DYNC2I1: variants seen among roughly 807,000 people sequenced by gnomAD.
The protein encoded by DYNC2I1 is dynein 2 intermediate chain 1.
A neutral mutation model predicts 133.4 loss-of-function variants in DYNC2I1; 89 were observed. That is an observed-to-expected ratio of 0.67 (90% CI 0.56 to 0.80). The LOEUF is 0.80. Among genes scored for constraint, DYNC2I1 ranks in the 30% least tolerant of loss-of-function variants. The probability of loss-of-function intolerance (pLI) is 0.00; values close to 1 mark genes in which losing one functional copy is unlikely to be tolerated. For missense variants in DYNC2I1, 1,291 were observed against 1,314.5 expected, an observed-to-expected ratio of 0.98 and a Z score of 0.28; for synonymous variants, 504 against 484.3, an observed-to-expected ratio of 1.04 and a Z score of -0.54.
chr7:158,926,049 G>T, intron 17 of DYNC2I1, 138 bp from the exon 18 acceptor site: 1 of 671,602 alleles, frequency 1.5e-6, no homozygotes, highest in Non-Finnish European at 2.6e-6. Context: ...TGTTGGTTTT[G>T]GGGTGTTTTG....
At chr7:158,946,256 T>C (rs916562090), downstream of DYNC2I1, 1 of 152,726 alleles carries the variant, frequency 6.5e-6, no homozygotes, top group Non-Finnish European at 1.5e-5. Context: ...TGGAATGTTA[T>C]ATTTGCAGAG....
chr7:158,886,638 C>T (rs1563113423), intron 6 of DYNC2I1, among the ~76,000 whole-genome samples: 1 of 152,192 alleles, frequency 6.6e-6, no homozygotes, highest in South Asian at 2.1e-4. Context: ...GGGTCTTTCT[C>T]TGTCGCCCAG....
intron 15 of DYNC2I1, 93 bp downstream of exon 15, chr7:158,918,962 G>T: frequency 7.4e-7 from 1 of 1,354,494 alleles, no homozygotes; most frequent in Non-Finnish European, 9.8e-7. Flanking sequence ...ATTTTAATGT[G>T]ATGGGGTTTA....
intron 4 of DYNC2I1, among the ~76,000 whole-genome samples, chr7:158,953,810 C>A (rs557134649): frequency 1.3e-5 from 2 of 151,804 alleles, no homozygotes; most frequent in African/African-American, 4.8e-5. Context: ...TATATGCCTA[C>A]AAATTAGCTT....
At chr7:158,877,110 C>T (rs902010606) in intron 4 of DYNC2I1, among the ~76,000 whole-genome samples, 2 of 152,202 alleles carry the variant, frequency 1.3e-5, no homozygotes, top group Non-Finnish European at 2.9e-5. Flanking sequence ...TGTCTCTCCC[C>T]GTGTTTCAGT....
intron 14 of DYNC2I1, among the ~76,000 whole-genome samples, chr7:158,914,781 T>C (rs1385119460): frequency 6.6e-6 from 1 of 152,192 alleles, no homozygotes; most frequent in Non-Finnish European, 1.5e-5. Context: ...TGGCTGTGGG[T>C]CTCGTCTGAC....
chr7:158,899,983 C>T (rs889390716), intron 8 of DYNC2I1, among the ~76,000 whole-genome samples: 2 of 152,140 alleles, frequency 1.3e-5, no homozygotes, highest in Admixed American at 6.5e-5. Flanking sequence ...TTTATTTCTC[C>T]TTCACTTTGG....
At chr7:158,883,106 G>A (rs1260442362) in intron 5 of DYNC2I1, among the ~76,000 whole-genome samples, 1 of 151,958 alleles carries the variant, frequency 6.6e-6, no homozygotes, top group East Asian at 1.9e-4. Context: ...AAAGTGCAAG[G>A]TGCACTGCTA....
At chr7:158,871,936 A>G (rs925128760) in intron 3 of DYNC2I1, among the ~76,000 whole-genome samples, 1 of 152,096 alleles carries the variant, frequency 6.6e-6, no homozygotes, top group Non-Finnish European at 1.5e-5. Context: ...CAAATGTTTT[A>G]TCTTTGAAGT....
the DYNC2I1 span, among the ~76,000 whole-genome samples, chr7:158,845,083 C>A: frequency 6.6e-6 from 1 of 152,086 alleles, no homozygotes; most frequent in South Asian, 2.1e-4. Context: ...ATTTTCTTTT[C>A]TGCTTGCTTT....
intron 1 of DYNC2I1, among the ~76,000 whole-genome samples, chr7:158,864,516 A>AT (rs1842229201): frequency 1.3e-5 from 2 of 152,062 alleles, no homozygotes; most frequent in African/African-American, 4.8e-5. Context: ...TCCTCTGTTT[A>AT]TTTTTTAATA....
intron 1 of DYNC2I1, among the ~76,000 whole-genome samples, chr7:158,866,252 A>G (rs1013959179): frequency 6.7e-6 from 1 of 149,666 alleles, no homozygotes; most frequent in African/African-American, 2.5e-5. Context: ...CTGTCCCCTA[A>G]TGTTCTAGGT....
chr7:158,856,830 GCCCT>G (rs905733262), intron 1 of DYNC2I1, 80 bp downstream of exon 1: 1 of 1,212,588 alleles, frequency 8.2e-7, no homozygotes, highest in African/African-American at 1.6e-5. Context: ...CGCCGCCGCC[GCCCT>G]CCCTTTGCGC....
chr7:158,876,624 G>A lies in DYNC2I1; in HGVS notation c.506G>A (p.Ser169Asn), dbSNP rs771646117. Residue 169 changes from serine (S) to asparagine (N), a missense_variant, in exon 4 of 25, where the codon AGT (serine) becomes AAT (asparagine). Ser to Asn is a conservative substitution (Grantham distance 46, BLOSUM62 1). Coordinates refer to ENST00000407559, the MANE Select transcript of DYNC2I1 (RefSeq NM_018051.5). ...RKGRSVSKVR[S>N]EEKDEDSERG... is the part of the protein sequence containing the mutation. ...CTTCTTGTAGTAAGTAAAGTAAGAA[G>A]TGAAGAGAAAGATGAAGACTCTGAA... The A allele has an allele frequency of 1.3e-6, 2 of 1,577,130 alleles. No homozygotes were observed. The highest frequency in any genetic ancestry group is 2.1e-5 in the Admixed American group (1 of 48,674).
chr7:158,849,952 C>T, the DYNC2I1 span, among the ~76,000 whole-genome samples: 22 of 152,234 alleles, frequency 1.4e-4, no homozygotes, highest in Non-Finnish European at 2.4e-4. Flanking sequence ...CCCTCCCTGG[C>T]CTAGAGGTGG....
At chr7:158,854,967 G>A (rs1841140577), upstream of DYNC2I1, among the ~76,000 whole-genome samples, 2 of 152,214 alleles carry the variant, frequency 1.3e-5, no homozygotes, top group African/African-American at 4.8e-5. Context: ...GCCTTCACGG[G>A]GGCCTGGCTG....
At chr7:158,883,618 T>G (rs1354705355) in intron 5 of DYNC2I1, among the ~76,000 whole-genome samples, 1 of 150,094 alleles carries the variant, frequency 6.7e-6, no homozygotes, top group Non-Finnish European at 1.5e-5. Flanking sequence ...GTAAGTACAA[T>G]AAATATACAA....
intron 5 of DYNC2I1, among the ~76,000 whole-genome samples, chr7:158,881,260 C>T (rs1391248856): frequency 6.6e-6 from 1 of 152,166 alleles, no homozygotes. Context: ...CCGCAGCCCA[C>T]GCCCTCTGTT....
At chr7:158,955,491 A>G (rs189153218) in intron 4 of DYNC2I1, among the ~76,000 whole-genome samples, 2 of 152,364 alleles carry the variant, frequency 1.3e-5, no homozygotes, top group East Asian at 1.9e-4. Context: ...GTAATAGCCT[A>G]TAATTCACCT....
Sources: allele counts gnomAD v4.1 joint callset (sites outside exome capture counted in the v4.1 genomes callset), GRCh38; gene constraint gnomAD v4.1.1; transcripts MANE v1.5; gene names NCBI Gene and HGNC (gene_info 2026-07-23, HGNC 2026-07-21).